SIPA1L2: variants seen among roughly 807,000 people sequenced by gnomAD.
The protein encoded by SIPA1L2 is signal-induced proliferation-associated 1-like protein 2.
A neutral mutation model predicts 163.9 loss-of-function variants in SIPA1L2; 56 were observed. That is an observed-to-expected ratio of 0.34 (90% CI 0.28 to 0.43). The LOEUF (loss-of-function observed/expected upper bound fraction) is 0.43, where lower values mean the gene tolerates loss of function less well. Among genes scored for constraint, SIPA1L2 ranks in the 20% least tolerant of loss-of-function variants. The pLI is 1.00. For synonymous variants in SIPA1L2, 877 were observed against 865.7 expected (o/e 1.01, Z -0.23); for missense variants, 1,974 against 2,193.5 (o/e 0.90, Z 2.00).
At position 232,443,611 on chromosome 1, in the gene SIPA1L2, C is replaced by T; in HGVS notation, c.3428G>A (p.Gly1143Asp). Residue 1143 changes from glycine (G) to aspartate (D), a missense_variant, in exon 12 of 23, where the codon GGC becomes GAC. Gly to Asp is a moderately conservative substitution (Grantham distance 94, BLOSUM62 -1). Coordinates refer to ENST00000674635, the MANE Select transcript of SIPA1L2 (RefSeq NM_020808.5). The stretch of plus-strand genomic sequence containing the variant: ...TAAAAATGAACAGTACCCGTCGTAG[C>T]CCACTTGTGGTCTCCAGGGTCCGCT... ...GGSGPWRPQV[G>D]YDGCQSPLLL... 1 of 1,603,604 alleles carries T rather than the reference C, an allele frequency of 6.2e-7. No homozygotes were observed.
chr1:232,466,684 A>G (rs1303140529), intron 8 of SIPA1L2, among the ~76,000 whole-genome samples: 3 of 152,122 alleles, frequency 2.0e-5, no homozygotes. Flanking sequence ...CCAGCTACTC[A>G]GGAGGCTGAG....
chr1:232,445,956 C>A (rs1004111788), intron 10 of SIPA1L2, among the ~76,000 whole-genome samples, 170 bp from the exon 11 acceptor site: 1 of 152,172 alleles, frequency 6.6e-6, no homozygotes, highest in Non-Finnish European at 1.5e-5. Context: ...TATAATAAAA[C>A]CACATTCCCA....
In SIPA1L2 at chr1:232,439,095, C is replaced by T; in HGVS notation, c.4031+13G>A. 6 of 1,588,226 alleles carry T rather than the reference C, an allele frequency of 3.8e-6. No individual in the cohort carries two copies. Among genetic ancestry groups the T allele is most frequent in the Non-Finnish European group, 5.1e-6 (6 of 1,167,638 alleles). On this transcript the variant is annotated intron_variant, in intron 15 of 22. Transcript: ENST00000674635. Reference sequence around the variant, plus strand: ...CACCAGCAGGTACTACTCTGCAGTGCTGTGGGGCTTACCTGGAATGAGAGG... The same window carrying T: ...CACCAGCAGGTACTACTCTGCAGTGTTGTGGGGCTTACCTGGAATGAGAGG...
chr1:232,573,310 C>A (rs1219930019), intron 2 of SIPA1L2, among the ~76,000 whole-genome samples: 1 of 152,102 alleles, frequency 6.6e-6, no homozygotes, highest in Non-Finnish European at 1.5e-5. Flanking sequence ...AGTAAGGAAT[C>A]GATATTAGCT....
chr1:232,430,052 G>A (rs568391516), intron 16 of SIPA1L2, among the ~76,000 whole-genome samples: 3 of 152,208 alleles, frequency 2.0e-5, no homozygotes, highest in Non-Finnish European at 2.9e-5. Context: ...ATCCAATGAC[G>A]TGTCATAAAT....
At chr1:232,458,825 T>C (rs1224798876) in intron 10 of SIPA1L2, among the ~76,000 whole-genome samples, 1 of 152,236 alleles carries the variant, frequency 6.6e-6, no homozygotes, top group East Asian at 1.9e-4. Flanking sequence ...TGCCTTTTGT[T>C]ATTTCCAAGA....
rs568237863 is a variant in SIPA1L2 at position 232,597,027 on chromosome 1, A to G, written c.-318-22805T>C. On this transcript the variant is annotated intron_variant, in intron 1 of 22. Transcript: ENST00000674635. Reference sequence around the variant, plus strand: ...GGCCTCCAACCTTGCCTCTATCAATAATAAATGATTATGTGGGCCTCTACT... The same window carrying G: ...GGCCTCCAACCTTGCCTCTATCAATGATAAATGATTATGTGGGCCTCTACT... 6.7e-4 allele frequency among the ~76,000 whole-genome samples: 102 copies of G among 151,958 alleles called. 1 individual carries two copies. In the South Asian group the frequency reaches 0.011, roughly 17 times the overall value.
At chr1:232,417,324 A>G (rs1431732849) in intron 18 of SIPA1L2, among the ~76,000 whole-genome samples, 1 of 152,212 alleles carries the variant, frequency 6.6e-6, no homozygotes, top group East Asian at 1.9e-4. Context: ...TTGGGGTAAT[A>G]TTCCACCTAA....
At chr1:232,510,765 T>C (rs1666943120) in intron 3 of SIPA1L2, among the ~76,000 whole-genome samples, 1 of 152,140 alleles carries the variant, frequency 6.6e-6, no homozygotes, top group Admixed American at 6.5e-5. Flanking sequence ...ATGAATCAAA[T>C]GGTGGTGACC....
chr1:232,602,195 G>C (rs1410491381), intron 1 of SIPA1L2, among the ~76,000 whole-genome samples: 2 of 152,146 alleles, frequency 1.3e-5, no homozygotes. Flanking sequence ...AAGCCAACCT[G>C]GATGAGAGGT....
chr1:232,400,843 C>T (rs1335061053), intron 22 of SIPA1L2, among the ~76,000 whole-genome samples: 1 of 152,140 alleles, frequency 6.6e-6, no homozygotes, highest in Admixed American at 6.5e-5. Flanking sequence ...CTATACCATG[C>T]TATTGTCAAT....
At chr1:232,408,872 C>T (rs183752467) in intron 19 of SIPA1L2, among the ~76,000 whole-genome samples, 1 of 152,018 alleles carries the variant, frequency 6.6e-6, no homozygotes, top group East Asian at 1.9e-4. Flanking sequence ...ATTTAAATAC[C>T]TTTATCTGAC....
At chr1:232,618,703 C>G (rs966231945) in intron 1 of SIPA1L2, among the ~76,000 whole-genome samples, 1 of 150,768 alleles carries the variant, frequency 6.6e-6, no homozygotes, top group Non-Finnish European at 1.5e-5. Flanking sequence ...TAAAATAAAT[C>G]ACTTCAGTGT....
At chr1:232,450,660 G>C (rs1003808123) in intron 10 of SIPA1L2, among the ~76,000 whole-genome samples, 2 of 152,160 alleles carry the variant, frequency 1.3e-5, no homozygotes, top group Non-Finnish European at 2.9e-5. Flanking sequence ...AGACATCTTT[G>C]CATTTCCAGT....
At chr1:232,509,275 A>G (rs1473775787) in intron 3 of SIPA1L2, among the ~76,000 whole-genome samples, 4 of 152,244 alleles carry the variant, frequency 2.6e-5, no homozygotes, top group Non-Finnish European at 4.4e-5. Context: ...CAGACATTTC[A>G]CATTAACTAC....
chr1:232,609,121 T>C (rs185340286), intron 1 of SIPA1L2, among the ~76,000 whole-genome samples: 7 of 152,342 alleles, frequency 4.6e-5, no homozygotes, highest in Admixed American at 6.5e-5. Context: ...TTGGATGTTG[T>C]TGAACTTGTA....
intron 1 of SIPA1L2, among the ~76,000 whole-genome samples, chr1:232,576,364 T>C (rs1055689649): frequency 2.0e-5 from 3 of 152,252 alleles, no homozygotes; most frequent in Non-Finnish European, 4.4e-5. Context: ...TGACCTGTGA[T>C]CAGCGATCTT....
At chr1:232,459,785 T>C (rs1463294750) in intron 10 of SIPA1L2, among the ~76,000 whole-genome samples, 1 of 152,202 alleles carries the variant, frequency 6.6e-6, no homozygotes, top group East Asian at 1.9e-4. Flanking sequence ...AGTGCTGGGA[T>C]TACAGGTGTG....
intron 2 of SIPA1L2, among the ~76,000 whole-genome samples, chr1:232,536,949 T>C (rs1332419922): frequency 2.6e-5 from 4 of 152,196 alleles, no homozygotes; most frequent in African/African-American, 4.8e-5. Flanking sequence ...CGTAATTACA[T>C]TATGGGCCAA....
Sources: allele counts gnomAD v4.1 joint callset (sites outside exome capture counted in the v4.1 genomes callset), GRCh38; gene constraint gnomAD v4.1.1; transcripts MANE v1.5; gene names NCBI Gene and HGNC (gene_info 2026-07-23, HGNC 2026-07-21).